CLASP2: variants seen among roughly 807,000 people sequenced by gnomAD.
The protein encoded by CLASP2 is CLIP-associating protein 2.
A neutral mutation model predicts 194.4 loss-of-function variants in CLASP2; 47 were observed. The observed-to-expected ratio is 0.24, with a 90% CI of 0.19 to 0.31. The LOEUF (loss-of-function observed/expected upper bound fraction) is 0.31, where lower values mean the gene tolerates loss of function less well. Ranked by LOEUF, CLASP2 falls within the 10% of genes least tolerant of loss-of-function variation. The pLI is 1.00. For synonymous variants in CLASP2, 619 were observed against 633.5 expected, an observed-to-expected ratio of 0.98 and a Z score of 0.34; for missense variants, 1,445 against 1,823.6, an observed-to-expected ratio of 0.79 and a Z score of 3.78.
In CLASP2 at chr3:33,695,671, G is replaced by A. The variant is rs142675203; in HGVS notation, c.274+1184C>T. Among the ~76,000 whole-genome samples, 34 of 152,212 alleles carry A rather than the reference G, an allele frequency of 2.2e-4. 3 individuals are homozygous for A. The highest frequency in any genetic ancestry group is 1.9e-3 in the East Asian group (10 of 5,182). ...AAGAAAATCACTGGCCAGGCATGGTGGTTCATGCCTATAATGCTAACACTT... is the reference window on the plus strand; with the variant it reads ...AAGAAAATCACTGGCCAGGCATGGTAGTTCATGCCTATAATGCTAACACTT... On this transcript the variant is annotated intron_variant, in intron 2 of 38. Coordinates refer to ENST00000682230, the MANE Select transcript of CLASP2 (RefSeq NM_001365631.1).
intron 23 of CLASP2, chr3:33,577,177 T>C (rs747339935): frequency 5.9e-6 from 9 of 1,533,774 alleles, no homozygotes; most frequent in South Asian, 4.6e-5. Flanking sequence ...TGCCAGATGA[T>C]AGTGAAAATG....
chr3:33,597,736 G>A (rs367925941), intron 18 of CLASP2, among the ~76,000 whole-genome samples: 2 of 150,366 alleles, frequency 1.3e-5, no homozygotes, highest in African/African-American at 4.9e-5. Flanking sequence ...TTGCATTGCT[G>A]TATTTCTTTT....
chr3:33,695,322 A>T (rs1317433498), intron 2 of CLASP2, among the ~76,000 whole-genome samples: 5 of 147,424 alleles, frequency 3.4e-5, no homozygotes, highest in Admixed American at 2.9e-4. Context: ...TAGCCTCCTA[A>T]ACTGTTGGGA....
intron 13 of CLASP2, among the ~76,000 whole-genome samples, chr3:33,610,617 C>T (rs1239482667): frequency 2.0e-5 from 3 of 152,178 alleles, no homozygotes; most frequent in Non-Finnish European, 4.4e-5. Flanking sequence ...CTGTAAAGGG[C>T]TGGACAGTAA....
At chr3:33,548,359 G>A (rs996877164) in intron 30 of CLASP2, among the ~76,000 whole-genome samples, 15 of 151,824 alleles carry the variant, frequency 9.9e-5, no homozygotes, top group South Asian at 4.2e-4. Flanking sequence ...GTGCAGTGGC[G>A]CAATCTCGGC....
At chr3:33,676,240 G>C (rs1419566093) in intron 6 of CLASP2, among the ~76,000 whole-genome samples, 1 of 148,444 alleles carries the variant, frequency 6.7e-6, no homozygotes, top group African/African-American at 2.5e-5. Flanking sequence ...CAGAGATATA[G>C]ATCAATGGAA....
At chr3:33,652,739 T>G (rs1345309363) in intron 7 of CLASP2, among the ~76,000 whole-genome samples, 3 of 152,124 alleles carry the variant, frequency 2.0e-5, no homozygotes, top group Non-Finnish European at 4.4e-5. Context: ...CCACTCTAAT[T>G]TCATATAGAC....
chr3:33,551,809 C>T (rs2060044347), intron 29 of CLASP2, among the ~76,000 whole-genome samples: 1 of 152,198 alleles, frequency 6.6e-6, no homozygotes, highest in Admixed American at 6.5e-5. Flanking sequence ...GAGCTTATGG[C>T]TGACTCTTGG....
At chr3:33,609,957 G>T (rs1296931034) in intron 13 of CLASP2, among the ~76,000 whole-genome samples, 2 of 152,276 alleles carry the variant, frequency 1.3e-5, no homozygotes, top group East Asian at 3.9e-4. Flanking sequence ...TTGGCATTCT[G>T]ACTCCAGAAC....
chr3:33,603,032 G>A lies in CLASP2; in HGVS notation c.1844C>T (p.Ala615Val), dbSNP rs1234708793. The change falls in exon 18 of 39, where the codon GCA (alanine) becomes GTA (valine). Residue 615 changes from alanine (A) to valine (V), a missense_variant. Ala to Val is a moderately conservative substitution (Grantham distance 64). Transcript: ENST00000682230. ...CACAGACTGTCCAGCAGCATGATGT[G>A]CCTTGGCACCTGCAGCAGCATTCAC... ...IDVNAAAGAK[A>V]HHAAGQSVRS... The A allele has an allele frequency of 6.2e-7, 1 of 1,606,884 alleles. No individual in the cohort carries two copies. The highest frequency in any genetic ancestry group is 1.7e-5 in the Admixed American group (1 of 59,134).
At chr3:33,541,168 T>G (rs549421902) in intron 32 of CLASP2, among the ~76,000 whole-genome samples, 1 of 152,238 alleles carries the variant, frequency 6.6e-6, no homozygotes, top group Non-Finnish European at 1.5e-5. Flanking sequence ...TACAAATCTT[T>G]CTGTTATAAA....
intron 34 of CLASP2, among the ~76,000 whole-genome samples, chr3:33,531,935 T>C (rs1232294856): frequency 6.6e-6 from 1 of 152,090 alleles, no homozygotes; most frequent in African/African-American, 2.4e-5. Context: ...GGAAGTAAAA[T>C]GGTATACCTG....
chr3:33,611,327 C>T (rs1371440882), intron 13 of CLASP2, among the ~76,000 whole-genome samples: 1 of 152,222 alleles, frequency 6.6e-6, no homozygotes, highest in Non-Finnish European at 1.5e-5. Context: ...TAATCTTCCT[C>T]ATTTTTCCTT....
At chr3:33,617,050 T>C (rs2076312786) in intron 12 of CLASP2, among the ~76,000 whole-genome samples, 1 of 149,978 alleles carries the variant, frequency 6.7e-6, no homozygotes, top group Non-Finnish European at 1.5e-5. Flanking sequence ...CTAACATTGT[T>C]ACAAAGGTTC....
In CLASP2 at chr3:33,606,669, G is replaced by A. The variant is rs1192760819; in HGVS notation, c.1616C>T (p.Thr539Ile). 1 of 1,613,262 alleles carries A rather than the reference G, an allele frequency of 6.2e-7. No homozygotes were observed. Among genetic ancestry groups the A allele is most frequent in the Non-Finnish European group, 8.5e-7 (1 of 1,179,312 alleles). Residue 539 changes from threonine (T) to isoleucine (I), a missense_variant, in exon 16 of 39, where the codon ACT (threonine) becomes ATT (isoleucine). Transcript: ENST00000682230. ...TACACTGCCAGAACTCTTTAAGTAA[G>A]TTTGAAGACTCTTCTGATAAGATGG... Reference protein sequence around the residue: ...LEPSYQKSLQTYLKSSGSVAS... With the variant: ...LEPSYQKSLQIYLKSSGSVAS...
intron 6 of CLASP2, among the ~76,000 whole-genome samples, chr3:33,671,283 G>A (rs1175543098): frequency 6.6e-6 from 1 of 151,928 alleles, no homozygotes; most frequent in Non-Finnish European, 1.5e-5. Flanking sequence ...CATTACTAAA[G>A]GCCTGTTTCA....
chr3:33,618,754 G>T (rs1451728589), intron 12 of CLASP2, among the ~76,000 whole-genome samples: 1 of 152,198 alleles, frequency 6.6e-6, no homozygotes, highest in Non-Finnish European at 1.5e-5. Flanking sequence ...GCACAGAATA[G>T]AAGTTTGGAA....
At chr3:33,503,988 A>T (rs978061507) in intron 37 of CLASP2, 4 of 152,188 alleles carry the variant, frequency 2.6e-5, no homozygotes, top group African/African-American at 9.7e-5. Context: ...TTGAAGAAAT[A>T]GCTATTCAAG....
At position 33,517,202 on chromosome 3, in the gene CLASP2, A is replaced by AT. The variant is rs910768453; in HGVS notation, c.3788-29dup. 1.7e-5 allele frequency: 27 copies of AT among 1,559,888 alleles called. 1 individual carries two copies. The highest frequency in any genetic ancestry group is 1.7e-6 in the Non-Finnish European group (2 of 1,151,702). On this transcript the variant is annotated intron_variant, in intron 34 of 38. Coordinates refer to ENST00000682230, the MANE Select transcript of CLASP2 (RefSeq NM_001365631.1). Reference sequence around the variant, plus strand: ...GTCAAAAGGACATGGTATTAGTTCTATAACTTTATAGGGTGACTCTCACAA... The same window carrying AT: ...GTCAAAAGGACATGGTATTAGTTCTATTAACTTTATAGGGTGACTCTCACAA...
Sources: allele counts gnomAD v4.1 joint callset (sites outside exome capture counted in the v4.1 genomes callset), GRCh38; gene constraint gnomAD v4.1.1; transcripts MANE v1.5; gene names NCBI Gene and HGNC (gene_info 2026-07-23, HGNC 2026-07-21).